PID1: variants seen among roughly 807,000 people sequenced by gnomAD.
The protein encoded by PID1 is PTB-containing, cubilin and LRP1-interacting protein.
A neutral mutation model predicts 19.1 loss-of-function variants in PID1; 10 were observed. The ratio of observed to expected loss-of-function variants is 0.52; its 90% CI spans 0.32 to 0.89. The LOEUF is 0.89. Ranked by LOEUF, PID1 falls within the 40% of genes least tolerant of loss-of-function variation. PID1 has a pLI of 0.03. For missense variants in PID1, 248 were observed against 285.3 expected, an observed-to-expected ratio of 0.87 and a Z score of 0.94; for synonymous variants, 130 against 116.0, an observed-to-expected ratio of 1.12 and a Z score of -0.78.
intron 1 of PID1, among the ~76,000 whole-genome samples, chr2:229,161,023 T>C (rs1259791832): frequency 1.3e-5 from 2 of 152,154 alleles, no homozygotes; most frequent in Non-Finnish European, 2.9e-5. Context: ...CAGTCACAGT[T>C]CCTTGCCCCC....
intron 1 of PID1, among the ~76,000 whole-genome samples, chr2:229,172,958 C>A (rs1690740839): frequency 6.6e-6 from 1 of 152,090 alleles, no homozygotes; most frequent in South Asian, 2.1e-4. Context: ...GTGCCGAACT[C>A]CTGATGTCAA....
chr2:229,262,627 T>C, intron 1 of PID1: 1 of 1,537,202 alleles, frequency 6.5e-7, no homozygotes. Flanking sequence ...CTAGGGCTGT[T>C]GTAACAAATA....
chr2:229,186,448 G>A (rs1317078423), intron 1 of PID1, among the ~76,000 whole-genome samples: 1 of 152,144 alleles, frequency 6.6e-6, no homozygotes, highest in Non-Finnish European at 1.5e-5. Flanking sequence ...CTCCATAAGA[G>A]CCCTGCTCCT....
At chr2:229,104,320 T>TCC (rs1191604529) in intron 2 of PID1, among the ~76,000 whole-genome samples, 4 of 152,328 alleles carry the variant, frequency 2.6e-5, no homozygotes, top group Middle Eastern at 6.8e-3. Flanking sequence ...GTCAATGTTT[T>TCC]CAGGAAATGT....
At chr2:229,268,632 G>C (rs902051370) in intron 1 of PID1, among the ~76,000 whole-genome samples, 1 of 152,252 alleles carries the variant, frequency 6.6e-6, no homozygotes, top group East Asian at 1.9e-4. Context: ...TAATGAGGTC[G>C]AATGAGAAGG....
At chr2:229,242,555 A>C (rs2106277260) in intron 1 of PID1, among the ~76,000 whole-genome samples, 1 of 152,088 alleles carries the variant, frequency 6.6e-6, no homozygotes, top group Non-Finnish European at 1.5e-5. Context: ...TCAGCTGTCA[A>C]CCCATTCTGC....
intron 1 of PID1, among the ~76,000 whole-genome samples, chr2:229,182,414 TA>T (rs34627534): frequency 6.6e-6 from 1 of 151,882 alleles, no homozygotes; most frequent in Middle Eastern, 3.4e-3. Flanking sequence ...TTTAAAGTAT[TA>T]AAAAAAAGCC....
chr2:229,266,040 G>C (rs2106295536), intron 1 of PID1, among the ~76,000 whole-genome samples: 1 of 152,282 alleles, frequency 6.6e-6, no homozygotes, highest in African/African-American at 2.4e-5. Flanking sequence ...AATGATGTAA[G>C]ATAGCATTTT....
intron 2 of PID1, among the ~76,000 whole-genome samples, chr2:229,028,700 T>G (rs1247383352): frequency 6.6e-6 from 1 of 152,074 alleles, no homozygotes; most frequent in East Asian, 1.9e-4. Flanking sequence ...AAGAACAAAA[T>G]CACGTCCTTT....
At chr2:229,050,310 G>T (rs1321905979) in intron 2 of PID1, among the ~76,000 whole-genome samples, 1 of 152,134 alleles carries the variant, frequency 6.6e-6, no homozygotes, top group Non-Finnish European at 1.5e-5. Flanking sequence ...TGAAAACCAT[G>T]GAGATGGCTC....
At chr2:229,136,934 G>A (rs969649449) in intron 2 of PID1, among the ~76,000 whole-genome samples, 3 of 152,148 alleles carry the variant, frequency 2.0e-5, no homozygotes, top group Non-Finnish European at 2.9e-5. Flanking sequence ...GGAGAAATGA[G>A]CCATAAACTA....
intron 1 of PID1, among the ~76,000 whole-genome samples, chr2:229,263,881 G>A (rs1690524045): frequency 1.3e-5 from 2 of 152,108 alleles, no homozygotes; most frequent in African/African-American, 4.8e-5. Context: ...GTCAGTGCTG[G>A]GAACACAGTA....
chr2:229,163,686 T>TGTGC (rs1553570295), intron 1 of PID1, among the ~76,000 whole-genome samples: 7 of 125,000 alleles, frequency 5.6e-5, no homozygotes, highest in East Asian at 2.0e-4. Flanking sequence ...CGTGTGCGTG[T>TGTGC]GTGTGTGTGT....
chr2:229,131,434 T>C (rs1172898102), intron 2 of PID1, among the ~76,000 whole-genome samples: 2 of 152,234 alleles, frequency 1.3e-5, no homozygotes, highest in East Asian at 1.9e-4. Flanking sequence ...TTTTACCACA[T>C]TGGCCAGGCA....
At chr2:229,208,077 AT>A (rs1302596212) in intron 1 of PID1, among the ~76,000 whole-genome samples, 1 of 152,138 alleles carries the variant, frequency 6.6e-6, no homozygotes, top group Non-Finnish European at 1.5e-5. Flanking sequence ...ATCACCACAA[AT>A]AATCAGTTTG....
chr2:229,168,560 C>G (rs1690649275), intron 1 of PID1, among the ~76,000 whole-genome samples: 2 of 152,106 alleles, frequency 1.3e-5, no homozygotes, highest in Non-Finnish European at 1.5e-5. Flanking sequence ...TGGTTTTTAT[C>G]TCTTTGCTGA....
intron 2 of PID1, among the ~76,000 whole-genome samples, chr2:229,072,668 T>C (rs1694480755): frequency 6.6e-6 from 1 of 152,238 alleles, no homozygotes; most frequent in South Asian, 2.1e-4. Flanking sequence ...GTTTTAGCTG[T>C]GGCTTTCCTT....
chr2:229,025,594 T>G lies in PID1; in HGVS notation c.*38A>C. 1 of 1,486,198 alleles carries G rather than the reference T, an allele frequency of 6.7e-7. No homozygotes were observed. The highest frequency in any genetic ancestry group is 9.3e-7 in the Non-Finnish European group (1 of 1,072,330). The allele number at this position is 1,486,198 out of a possible 1,614,324, so 92.1% of individuals were successfully genotyped here. A position where few individuals can be genotyped will look rare whatever the true frequency, so the allele number is the denominator to read the frequency against. On this transcript the variant is annotated 3_prime_UTR_variant, in exon 3 of 3. Coordinates refer to ENST00000392055, the MANE Select transcript of PID1 (RefSeq NM_001100818.2). ...TACTCATCTATTCCCTTGAACTCCG[T>G]GACCAATGCTGCCTTTGCTGAAGCG...
intron 2 of PID1, among the ~76,000 whole-genome samples, chr2:229,096,683 G>A (rs1359793015): frequency 2.0e-5 from 3 of 152,110 alleles, no homozygotes; most frequent in African/African-American, 7.2e-5. Context: ...AAGCACCAGG[G>A]TCCTACATAC....
Sources: allele counts gnomAD v4.1 joint callset (sites outside exome capture counted in the v4.1 genomes callset), GRCh38; gene constraint gnomAD v4.1.1; transcripts MANE v1.5; gene names NCBI Gene and HGNC (gene_info 2026-07-23, HGNC 2026-07-21).